Variants in KCNQ1OT1 observed in about 807,000 individuals in gnomAD.
KCNQ1OT1 encodes KCNQ1 antisense RNA 2 (non-protein coding).
chr11:2,619,063 C>T (rs1041742607), exon 1 of KCNQ1OT1: 13 of 398,290 alleles, frequency 3.3e-5, no homozygotes, highest in Non-Finnish European at 4.9e-5. Flanking sequence ...TTAGTTCTAA[C>T]AGGTTGCTTT....
chr11:2,611,997 CATAT>C lies in KCNQ1OT1; in HGVS notation n.87994_87997del. On this transcript the variant is annotated non_coding_transcript_exon_variant, in exon 1 of 1. Transcript: ENST00000597346. This position sits in a 1 kb window ranked among gnomAD's most constrained non-coding sequence, Gnocchi z 5.3. ...CTCCTTCTCAGTACTCTTATTAACA[CATAT>C]GTTGTTACTCCTTAATTCCACATAT... 1 of 398,660 alleles carries C rather than the reference CATAT, an allele frequency of 2.5e-6. No homozygotes were observed. The highest frequency in any genetic ancestry group is 4.4e-6 in the Non-Finnish European group (1 of 226,062). The allele number at this position is 398,660 out of a possible 1,614,324, so 24.7% of individuals were successfully genotyped here. A position where few individuals can be genotyped will look rare whatever the true frequency, so the allele number is the denominator to read the frequency against.
At chr11:2,648,981 C>CTTTTTTTTTTTTTTTCTTTTTT (rs1849711116) in exon 1 of KCNQ1OT1, 1 of 213,306 alleles carries the variant, frequency 4.7e-6, no homozygotes, top group Non-Finnish European at 7.8e-6. Flanking sequence ...TTTTCTTTTT[C>CTTTTTTTTTTTTTTTCTTTTTT]TTTTTTTTTT....
At position 2,657,900 on chromosome 11, in the gene KCNQ1OT1, A is replaced by C; in HGVS notation, n.42095T>G. ...GCCAGTGAGGTGAGATGCTTTCCTC[A>C]TTGTGGAACATGACATCAACATGGT... On this transcript the variant is annotated non_coding_transcript_exon_variant, in exon 1 of 1. Transcript: ENST00000597346. The surrounding 1 kb of genome is among the most constrained non-coding windows in gnomAD (Gnocchi z 4.8). 1 of 398,634 alleles carries C rather than the reference A, an allele frequency of 2.5e-6. No individual in the cohort carries two copies. Among genetic ancestry groups the C allele is most frequent in the South Asian group, 1.3e-4 (1 of 7,856 alleles). The allele number at this position is 398,634 out of a possible 1,614,324, so 24.7% of individuals were successfully genotyped here. A position where few individuals can be genotyped will look rare whatever the true frequency, so the allele number is the denominator to read the frequency against.
chr11:2,698,431 T>G lies in KCNQ1OT1; in HGVS notation n.1564A>C. On this transcript the variant is annotated non_coding_transcript_exon_variant, in exon 1 of 1. Transcript: ENST00000597346. This position sits in a 1 kb window ranked among gnomAD's most constrained non-coding sequence, Gnocchi z 5.1. ...CATAGTGGTGGCCCTTCAAGCCTAC[T>G]ACCCAGACTGAGACCTGCATCTGAT... 1 of 375,892 alleles carries G rather than the reference T, an allele frequency of 2.7e-6. No homozygotes were observed. The highest frequency in any genetic ancestry group is 2.4e-5 in the African/African-American group (1 of 41,726). The allele number at this position is 375,892 out of a possible 1,614,324, so 23.3% of individuals were successfully genotyped here. A position where few individuals can be genotyped will look rare whatever the true frequency, so the allele number is the denominator to read the frequency against.
In KCNQ1OT1 at chr11:2,683,637, G is replaced by A. The variant is rs544121260; in HGVS notation, n.16358C>T. 4 of 398,504 alleles carry A rather than the reference G, an allele frequency of 1.0e-5. No homozygotes were observed. Among genetic ancestry groups the A allele is most frequent in the Non-Finnish European group, 1.8e-5 (4 of 226,080 alleles). The allele number at this position is 398,504 out of a possible 1,614,324, so 24.7% of individuals were successfully genotyped here. The stretch of plus-strand genomic sequence containing the variant: ...CTCTAGACAACTGGGCCCTGCATCT[G>A]CTGCAAGGAACATCCCTTACTTTCC... On this transcript the variant is annotated non_coding_transcript_exon_variant, in exon 1 of 1. Coordinates refer to ENST00000597346, the Ensembl canonical transcript of KCNQ1OT1. The surrounding 1 kb of genome is among the most constrained non-coding windows in gnomAD (Gnocchi z 4.7).
At chr11:2,648,380 T>G (rs1483977702) in exon 1 of KCNQ1OT1, 6 of 398,520 alleles carry the variant, frequency 1.5e-5, no homozygotes, top group Non-Finnish European at 2.7e-5. Context: ...GTTTAAAAAC[T>G]TTCTACCTTA....
At chr11:2,666,406 C>A in exon 1 of KCNQ1OT1, 1 of 398,696 alleles carries the variant, frequency 2.5e-6, no homozygotes, top group Non-Finnish European at 4.4e-6. Flanking sequence ...TGAGCAAAAA[C>A]AGCCCCGTGT....
At chr11:2,618,510 A>G (rs895903511) in exon 1 of KCNQ1OT1, 12 of 398,396 alleles carry the variant, frequency 3.0e-5, no homozygotes, top group East Asian at 7.1e-5. Context: ...GGTTGATCAT[A>G]TATCTTTGAA....
chr11:2,685,306 A>G (rs1176415132), exon 1 of KCNQ1OT1: 2 of 398,528 alleles, frequency 5.0e-6, no homozygotes, highest in African/African-American at 2.1e-5. Flanking sequence ...CAGAGTATCG[A>G]TCTGTCTGAT....
exon 1 of KCNQ1OT1, chr11:2,629,674 T>A (rs2133814479): frequency 2.5e-6 from 1 of 398,540 alleles, no homozygotes; most frequent in South Asian, 1.3e-4. Flanking sequence ...CTCTCTATTC[T>A]TTTTGATGCT....
In KCNQ1OT1 at chr11:2,699,505, GGAGCCCCCAGGAGAGTGCCGCGCTGA is replaced by G. The variant is rs1590039974; in HGVS notation, n.464_489del. ...GCCCCCGGGGAGAGTGCCGCGCTGA[GGAGCCCCCAGGAGAGTGCCGCGCTGA>G]GGAGGCCCAGGGAGGACCGCGCGGA... On this transcript the variant is annotated non_coding_transcript_exon_variant, in exon 1 of 1. Coordinates refer to ENST00000597346, the Ensembl canonical transcript of KCNQ1OT1. The G allele has an allele frequency of 3.3e-5, 6 of 180,368 alleles. No homozygotes were observed. The East Asian group carries it at 4.5e-3, about 134-fold the overall frequency. 11.2% of individuals were successfully genotyped at this position (180,368 alleles called of 1,614,324 possible).
Position 2,663,810 on chromosome 11 carries a change from A to G in KCNQ1OT1, n.36185T>C, listed in dbSNP as rs1035512878. On this transcript the variant is annotated non_coding_transcript_exon_variant, in exon 1 of 1. Transcript: ENST00000597346. The surrounding 1 kb of genome is among the most constrained non-coding windows in gnomAD (Gnocchi z 5.2). ...CCAGTAAATCACCACTATGGGGGTG[A>G]GGGCTGCCAGTGCTGGTATCAGCAC... is the stretch of plus-strand genomic sequence containing the variant. The G allele has an allele frequency of 1.3e-5, 5 of 398,556 alleles. No homozygotes were observed. The highest frequency in any genetic ancestry group is 2.2e-5 in the Non-Finnish European group (5 of 226,108). 24.7% of individuals were successfully genotyped at this position (398,556 alleles called of 1,614,324 possible). A position where few individuals can be genotyped will look rare whatever the true frequency, so the allele number is the denominator to read the frequency against.
rs1322999214 is a variant in KCNQ1OT1, at chr11:2,620,905, C to T, written n.79090G>A. On this transcript the variant is annotated non_coding_transcript_exon_variant, in exon 1 of 1. Coordinates refer to ENST00000597346, the Ensembl canonical transcript of KCNQ1OT1. This position sits in a 1 kb window ranked among gnomAD's most constrained non-coding sequence, Gnocchi z 4.5. The stretch of plus-strand genomic sequence containing the variant: ...CATTCTGACTGGTGTGAGATGGCAT[C>T]CCATTATGGTTTGGTGTTTTTTTGT... 6 of 397,174 alleles carry T rather than the reference C, an allele frequency of 1.5e-5. No homozygotes were observed. Among genetic ancestry groups the T allele is most frequent in the Non-Finnish European group, 2.2e-5 (5 of 225,840 alleles). The allele number at this position is 397,174 out of a possible 1,614,324, so 24.6% of individuals were successfully genotyped here.
Position 2,653,446 on chromosome 11 carries a change from T to A in KCNQ1OT1, n.46549A>T, listed in dbSNP as rs555399487. On this transcript the variant is annotated non_coding_transcript_exon_variant, in exon 1 of 1. Coordinates refer to ENST00000597346, the Ensembl canonical transcript of KCNQ1OT1. The surrounding 1 kb of genome is among the most constrained non-coding windows in gnomAD (Gnocchi z 5.3). ...ACAAGCTTAAGCACAAAAGGGACATTTTTTGGCTCACACAGCTGGACCCAG... is the reference window on the plus strand; with the variant it reads ...ACAAGCTTAAGCACAAAAGGGACATATTTTGGCTCACACAGCTGGACCCAG... 221 of 398,562 alleles carry A rather than the reference T, an allele frequency of 5.5e-4. No individual in the cohort carries two copies. Among genetic ancestry groups the A allele is most frequent in the African/African-American group, 4.1e-3 (201 of 48,712 alleles). 24.7% of individuals were successfully genotyped at this position (398,562 alleles called of 1,614,324 possible).
chr11:2,633,189 C>G (rs1392070835), exon 1 of KCNQ1OT1: 1 of 398,398 alleles, frequency 2.5e-6, no homozygotes, highest in Non-Finnish European at 4.4e-6. Context: ...TTTCACATAC[C>G]TGTTGGCCAG....
Position 2,687,044 on chromosome 11 carries a change from T to C in KCNQ1OT1, n.12951A>G, listed in dbSNP as rs1850501678. 5.0e-6 allele frequency: 2 copies of C among 398,510 alleles called. No homozygotes were observed. The highest frequency in any genetic ancestry group is 4.1e-5 in the African/African-American group (2 of 48,636). The allele number at this position is 398,510 out of a possible 1,614,324, so 24.7% of individuals were successfully genotyped here. A position where few individuals can be genotyped will look rare whatever the true frequency, so the allele number is the denominator to read the frequency against. ...AGGGCTAAAACTCAGCAGTCCCAGC[T>C]CTGGGGGACAAGGACCCACAAAGTG... On this transcript the variant is annotated non_coding_transcript_exon_variant, in exon 1 of 1. Transcript: ENST00000597346. This position sits in a 1 kb window ranked among gnomAD's most constrained non-coding sequence, Gnocchi z 5.0.
At chr11:2,672,818 T>G (rs973786308) in exon 1 of KCNQ1OT1, 3 of 398,736 alleles carry the variant, frequency 7.5e-6, no homozygotes, top group East Asian at 7.1e-5. Flanking sequence ...CTGGACCAAG[T>G]GACCCCAACT....
At chr11:2,699,643 C>CCGCGCCGAAGAACCTCCGGGTAG (rs1267456013) in exon 1 of KCNQ1OT1, 1 of 364,698 alleles carries the variant, frequency 2.7e-6, no homozygotes, top group African/African-American at 2.5e-5. Flanking sequence ...CCCCCGGGGA[C>CCGCGCCGAAGAACCTCCGGGTAG]AACCGCGCCG....
Position 2,664,022 on chromosome 11 carries a change from G to A in KCNQ1OT1, n.35973C>T. 1 of 398,744 alleles carries A rather than the reference G, an allele frequency of 2.5e-6. No homozygotes were observed. 24.7% of individuals were successfully genotyped at this position (398,744 alleles called of 1,614,324 possible). ...GGTCTGGCACATTACCATTCTGCAAGATCCTGCAGCCTTTTCAGGTTGGCA... is the reference window on the plus strand; with the variant it reads ...GGTCTGGCACATTACCATTCTGCAAAATCCTGCAGCCTTTTCAGGTTGGCA... On this transcript the variant is annotated non_coding_transcript_exon_variant, in exon 1 of 1. Coordinates refer to ENST00000597346, the Ensembl canonical transcript of KCNQ1OT1. This position sits in a 1 kb window ranked among gnomAD's most constrained non-coding sequence, Gnocchi z 5.1.
Sources: allele counts gnomAD v4.1 joint callset, GRCh38; gene constraint gnomAD v4.1.1; non-coding constraint Gnocchi (gnomAD v3.1); transcripts MANE v1.5; gene names NCBI Gene and HGNC (gene_info 2026-07-23, HGNC 2026-07-21).